Variants in RBFOX1 observed in about 807,000 individuals in gnomAD.
The protein encoded by RBFOX1 is RNA binding protein fox-1 homolog 1.
In RBFOX1, 8 loss-of-function variants were observed where a neutral mutation model predicts 57.7. That is an observed-to-expected ratio of 0.14 (90% CI 0.08 to 0.25). RBFOX1 has a LOEUF of 0.25. Among genes scored for constraint, RBFOX1 ranks in the 10% least tolerant of loss-of-function variants. RBFOX1 has a pLI of 1.00. For missense variants in RBFOX1, 611 were observed against 548.5 expected (o/e 1.11, Z -1.14); for synonymous variants, 326 against 222.4 (o/e 1.47, Z -4.15).
intron 3 of RBFOX1, among the ~76,000 whole-genome samples, chr16:5,682,038 C>G (rs1456857159): frequency 1.3e-5 from 2 of 152,168 alleles, no homozygotes; most frequent in African/African-American, 4.8e-5. Flanking sequence ...TTAGAATGCT[C>G]TGCACCTCCT....
At chr16:5,437,251 A>G (rs2067945597) in intron 1 of RBFOX1, among the ~76,000 whole-genome samples, 1 of 152,224 alleles carries the variant, frequency 6.6e-6, no homozygotes, top group South Asian at 2.1e-4. Context: ...GTGGCAGGAA[A>G]TCTTCAGGAA....
chr16:5,935,645 T>G (rs962662567), intron 4 of RBFOX1, among the ~76,000 whole-genome samples: 2 of 152,140 alleles, frequency 1.3e-5, no homozygotes, highest in African/African-American at 4.8e-5. Context: ...TCTCTAGGAA[T>G]TAGCTGACCC....
At chr16:5,910,693 C>T (rs1212501839) in intron 4 of RBFOX1, among the ~76,000 whole-genome samples, 1 of 152,296 alleles carries the variant, frequency 6.6e-6, no homozygotes, top group Non-Finnish European at 1.5e-5. Context: ...CAATGCCCCA[C>T]TTCTATTTTT....
At chr16:7,468,836 C>T (rs565977451) in intron 4 of RBFOX1, among the ~76,000 whole-genome samples, 2 of 152,158 alleles carry the variant, frequency 1.3e-5, no homozygotes, top group East Asian at 3.9e-4. Context: ...GATGGCTGAC[C>T]AAGAGTCAAG....
At chr16:7,403,913 T>TTA (rs143517193) in intron 4 of RBFOX1, among the ~76,000 whole-genome samples, 9,690 of 149,616 alleles carry the variant, frequency 0.065, 361 homozygotes, top group East Asian at 0.16. Flanking sequence ...TATTATTCTT[T>TTA]TATATATATA....
intron 3 of RBFOX1, among the ~76,000 whole-genome samples, chr16:6,778,726 TCC>T (rs1197932096): frequency 1.3e-5 from 2 of 152,074 alleles, no homozygotes; most frequent in Non-Finnish European, 2.9e-5. Context: ...TAGATTGTCT[TCC>T]TGAGTCTTTT....
intron 5 of RBFOX1, chr16:7,519,884 GT>G: frequency 3.3e-6 from 1 of 307,270 alleles, no homozygotes; most frequent in Non-Finnish European, 4.8e-6. Flanking sequence ...TTTTGTTTTT[GT>G]TTTTGTTTTT....
chr16:6,407,709 T>A (rs150982265), intron 2 of RBFOX1, among the ~76,000 whole-genome samples: 1 of 152,074 alleles, frequency 6.6e-6, no homozygotes, highest in Non-Finnish European at 1.5e-5. Context: ...TGAATTGCAA[T>A]TGTGGTAAGT....
rs560905076 is a variant in RBFOX1 at position 6,589,169 on chromosome 16, C to G, written c.-63-65434C>G. On this transcript the variant is annotated intron_variant, in intron 2 of 15. Transcript: ENST00000550418. ...ACCATGGCACCCAGCTAGAATACCACTGCCAGAAAAGAAACTATTTTTAAA... is the reference window on the plus strand; with the variant it reads ...ACCATGGCACCCAGCTAGAATACCAGTGCCAGAAAAGAAACTATTTTTAAA... Among the ~76,000 whole-genome samples, 93 of 152,316 alleles carry G rather than the reference C, an allele frequency of 6.1e-4. 1 individual carries two copies. Among genetic ancestry groups the G allele is most frequent in the African/African-American group, 1.5e-3 (64 of 41,572 alleles).
chr16:6,382,272 TG>T (rs573631244), intron 2 of RBFOX1, among the ~76,000 whole-genome samples: 25 of 152,324 alleles, frequency 1.6e-4, no homozygotes, highest in African/African-American at 5.8e-4. Flanking sequence ...AAGCATAGTT[TG>T]TTGGTCCCGT....
intron 4 of RBFOX1, among the ~76,000 whole-genome samples, chr16:7,234,568 C>A (rs898038218): frequency 2.0e-5 from 3 of 146,352 alleles, no homozygotes; most frequent in African/African-American, 5.1e-5. Context: ...TCTTCTGTTG[C>A]AAATGACATG....
chr16:7,123,376 A>G (rs1406226875), intron 4 of RBFOX1, among the ~76,000 whole-genome samples: 1 of 152,028 alleles, frequency 6.6e-6, no homozygotes, highest in Admixed American at 6.6e-5. Context: ...TTTATTTATT[A>G]TTTTTTGAGA....
intron 3 of RBFOX1, among the ~76,000 whole-genome samples, chr16:6,766,782 T>A (rs1226508799): frequency 6.6e-6 from 1 of 152,068 alleles, no homozygotes; most frequent in Admixed American, 6.6e-5. Context: ...ATGGTCTTCA[T>A]ATGGGCTTCC....
At chr16:5,724,406 G>T (rs1318882706) in intron 3 of RBFOX1, among the ~76,000 whole-genome samples, 1 of 152,110 alleles carries the variant, frequency 6.6e-6, no homozygotes, top group Non-Finnish European at 1.5e-5. Flanking sequence ...GCCTCATTTG[G>T]TCAAACTGGC....
intron 4 of RBFOX1, among the ~76,000 whole-genome samples, chr16:7,150,831 G>A (rs1009375461): frequency 2.0e-5 from 3 of 152,108 alleles, no homozygotes; most frequent in South Asian, 2.1e-4. Context: ...AATTGAAGTC[G>A]CTGAGAAAAG....
intron 3 of RBFOX1, among the ~76,000 whole-genome samples, chr16:5,613,122 C>A (rs1288020895): frequency 1.3e-5 from 2 of 152,182 alleles, no homozygotes; most frequent in Non-Finnish European, 2.9e-5. Flanking sequence ...CCTCAGGTTT[C>A]TTTGAGGGGC....
At chr16:6,817,779 C>G (rs773121835) in intron 3 of RBFOX1, among the ~76,000 whole-genome samples, 4 of 152,018 alleles carry the variant, frequency 2.6e-5, no homozygotes, top group Admixed American at 1.3e-4. Flanking sequence ...ATCTGTTAAA[C>G]TTCTAAGTTT....
intron 4 of RBFOX1, among the ~76,000 whole-genome samples, chr16:5,956,668 A>T (rs1187795780): frequency 4.4e-5 from 2 of 45,092 alleles, no homozygotes; most frequent in Admixed American, 5.7e-4. Flanking sequence ...TTATATATAT[A>T]TATATATATA....
At chr16:5,256,330 G>C (rs1269545270) in intron 1 of RBFOX1, among the ~76,000 whole-genome samples, 2 of 152,154 alleles carry the variant, frequency 1.3e-5, no homozygotes, top group African/African-American at 4.8e-5. Context: ...TGTCTCCTCT[G>C]GCTGGAAGTC....
Sources: gnomAD v4.1 joint callset for allele counts (sites outside exome capture counted in the v4.1 genomes callset) on GRCh38, gnomAD v4.1.1 for gene constraint, MANE v1.5 for transcripts, NCBI Gene and HGNC (gene_info 2026-07-23, HGNC 2026-07-21) for gene names.